POLR1A: variants seen among roughly 807,000 people sequenced by gnomAD.
The protein encoded by POLR1A is RNA polymerase I subunit A.
POLR1A carries 84 observed loss-of-function variants against 205.3 expected under a neutral mutation model. The ratio of observed to expected loss-of-function variants is 0.41; its 90% CI spans 0.34 to 0.49. The LOEUF is 0.49. Ranked by LOEUF, POLR1A falls within the 20% of genes least tolerant of loss-of-function variation. POLR1A has a pLI of 0.22. For synonymous variants in POLR1A, 799 were observed against 863.7 expected, an observed-to-expected ratio of 0.93 and a Z score of 1.31; for missense variants, 1,645 against 2,204.5, an observed-to-expected ratio of 0.75 and a Z score of 5.08.
intron 21 of POLR1A, among the ~76,000 whole-genome samples, chr2:86,045,004 A>G (rs986754255): frequency 6.6e-6 from 1 of 152,260 alleles, no homozygotes. Flanking sequence ...TAAGCTTGCC[A>G]CTGCCCAAGA....
chr2:86,044,379 C>T, intron 21 of POLR1A, 75 bp from the exon 22 acceptor site: 1 of 1,527,842 alleles, frequency 6.5e-7, no homozygotes, highest in Non-Finnish European at 9.0e-7. Flanking sequence ...GGGTTGGGGG[C>T]AGTGGAGGGG....
At chr2:86,077,579 T>G (rs572870958) in intron 11 of POLR1A, among the ~76,000 whole-genome samples, 1 of 152,308 alleles carries the variant, frequency 6.6e-6, no homozygotes, top group Non-Finnish European at 1.5e-5. Context: ...TGGAACACCC[T>G]GCAGTCAGCT....
chr2:86,043,860 G>C (rs1181123399), intron 22 of POLR1A, among the ~76,000 whole-genome samples: 1 of 152,186 alleles, frequency 6.6e-6, no homozygotes, highest in Non-Finnish European at 1.5e-5. Flanking sequence ...TATTGATAGT[G>C]TGCTTTAGCT....
In POLR1A at chr2:86,027,672, A is replaced by G; in HGVS notation, c.5063-149T>C. 7.3e-6 allele frequency: 6 copies of G among 826,250 alleles called. No individual in the cohort carries two copies. In the East Asian group the frequency reaches 1.6e-4, roughly 22 times the overall value. 51.2% of individuals were successfully genotyped at this position (826,250 alleles called of 1,614,324 possible). On this transcript the variant is annotated intron_variant, in intron 33 of 33. Coordinates refer to ENST00000263857, the MANE Select transcript of POLR1A (RefSeq NM_015425.6). ...TGGGATCACGAGGCAGCCCCCCTCT[A>G]GCACTTGAGAGGGGAAGGCCCTCTT...
At chr2:86,104,774 C>T (rs1483849291) in intron 1 of POLR1A, among the ~76,000 whole-genome samples, 6 of 152,130 alleles carry the variant, frequency 3.9e-5, no homozygotes, top group Non-Finnish European at 5.9e-5. Flanking sequence ...TGCATTTAGG[C>T]CATGTTGAGT....
At chr2:86,040,201 C>A in intron 25 of POLR1A, 191 bp downstream of exon 25, 1 of 461,542 alleles carries the variant, frequency 2.2e-6, no homozygotes, top group Non-Finnish European at 3.7e-6. Context: ...CCTACCAGGC[C>A]TGGGCACCAA....
At chr2:86,081,026 G>GTCATGTTCTTCAGCCTCTCACCCA in intron 8 of POLR1A, 48 bp from the exon 9 acceptor site, 1 of 1,545,774 alleles carries the variant, frequency 6.5e-7, no homozygotes. Context: ...TGAGGAAAGG[G>GTCATGTTCTTCAGCCTCTCACCCA]TCATGTTCTT....
At chr2:86,042,421 C>T (rs933485020) in intron 23 of POLR1A, among the ~76,000 whole-genome samples, 5 of 152,210 alleles carry the variant, frequency 3.3e-5, no homozygotes, top group East Asian at 1.9e-4. Context: ...GGCAAAGCCA[C>T]GACTGTCTCA....
chr2:86,055,210 G>A (rs1197452446), intron 14 of POLR1A, among the ~76,000 whole-genome samples: 5 of 151,976 alleles, frequency 3.3e-5, no homozygotes, highest in East Asian at 1.9e-4. Context: ...CACGATAACC[G>A]CTTGAATCCA....
In POLR1A at chr2:86,098,682, G is replaced by T. The variant is rs972296574; in HGVS notation, c.361C>A (p.Leu121Ile). ...ACTTCCAGAACCCTCAGCTGGCAGAGTAAGAGGTGAATCACGGCCCGGGGA... is the reference window on the plus strand; with the variant it reads ...ACTTCCAGAACCCTCAGCTGGCAGATTAAGAGGTGAATCACGGCCCGGGGA... The part of the protein sequence containing the change: ...TCPRAVIHLL[L>I]CQLRVLEVGA... Residue 121 changes from leucine (L) to isoleucine (I), a missense_variant, in exon 3 of 34, where the codon CTC becomes ATC. Physicochemically the swap from Leu to Ile is conservative, Grantham distance 5. Transcript: ENST00000263857. The T allele has an allele frequency of 1.2e-6, 2 of 1,613,726 alleles. No homozygotes were observed. Among genetic ancestry groups the T allele is most frequent in the Non-Finnish European group, 8.5e-7 (1 of 1,179,916 alleles).
At chr2:86,034,456 C>T (rs2164879) in intron 27 of POLR1A, among the ~76,000 whole-genome samples, 25,057 of 152,182 alleles carry the variant, frequency 0.16, 4,725 homozygotes, top group African/African-American at 0.46. Context: ...GTTAGAACCA[C>T]ACCAATTTAA....
At chr2:86,099,535 T>C (rs943950707) in intron 2 of POLR1A, among the ~76,000 whole-genome samples, 1 of 151,966 alleles carries the variant, frequency 6.6e-6, no homozygotes, top group African/African-American at 2.4e-5. Flanking sequence ...ACCTCACTGT[T>C]GGGCTTTCTG....
chr2:86,076,774 C>T (rs1673293062), intron 11 of POLR1A, among the ~76,000 whole-genome samples: 2 of 152,236 alleles, frequency 1.3e-5, no homozygotes, highest in Admixed American at 1.3e-4. Context: ...GCTGGGGACA[C>T]TGTAGGCACT....
rs375013405 is a variant in POLR1A at position 86,054,156 on chromosome 2, G to A, written c.2192C>T (p.Ser731Leu). The A allele has an allele frequency of 3.1e-5, 50 of 1,613,966 alleles. No individual in the cohort carries two copies. The highest frequency in any genetic ancestry group is 1.1e-4 in the African/African-American group (8 of 75,030). The change falls in exon 15 of 34, where the codon TCG (serine) becomes TTG (leucine). Residue 731 changes from serine to leucine, a missense_variant. By Grantham distance (145) the Ser-to-Leu change is moderately radical (BLOSUM62 -2). Coordinates refer to ENST00000263857, the MANE Select transcript of POLR1A (RefSeq NM_015425.6). ...CAGCCATACCTGGGACTCGCACATCGAGTCAGGGTTAAAGCCAGGAACGGA... is the reference window on the plus strand; with the variant it reads ...CAGCCATACCTGGGACTCGCACATCAAGTCAGGGTTAAAGCCAGGAACGGA... ...PRSVPGFNPD[S>L]MCESQVIIRE...
At chr2:86,097,244 C>CAAAAAAAAAAAAAAAAAAAAAAAAAAAA (rs1213876753) in intron 3 of POLR1A, among the ~76,000 whole-genome samples, 15 of 40,668 alleles carry the variant, frequency 3.7e-4, no homozygotes, top group African/African-American at 8.9e-4. Context: ...AAAAAAAAAG[C>CAAAAAAAAAAAAAAAAAAAAAAAAAAAA]AAATGCTGGT....
In POLR1A at chr2:86,027,876, C is replaced by T. The variant is rs770112715; in HGVS notation, c.5062+9G>A. 3.8e-5 allele frequency: 61 copies of T among 1,613,884 alleles called. No homozygotes were observed. The highest frequency in any genetic ancestry group is 8.0e-5 in the African/African-American group (6 of 74,924). ...GAGGGGAGGCCAGGGCTCCTGCCCA[C>T]GCACTAACCCAGCATGGTGGCTTGC... On this transcript the variant is annotated intron_variant, in intron 33 of 33. Coordinates refer to ENST00000263857, the MANE Select transcript of POLR1A (RefSeq NM_015425.6).
rs1673073889 is a variant in POLR1A at position 86,065,689 on chromosome 2, T to C, written c.1867-224A>G. On this transcript the variant is annotated intron_variant, in intron 13 of 33. Coordinates refer to ENST00000263857, the MANE Select transcript of POLR1A (RefSeq NM_015425.6). Reference sequence around the variant, plus strand: ...TTCTACGTTTGCCATTTGCCCACTATCCTATATCAAGACTGCTTCAAACTC... The same window carrying C: ...TTCTACGTTTGCCATTTGCCCACTACCCTATATCAAGACTGCTTCAAACTC... The C allele has an allele frequency of 1.1e-5, 6 of 542,770 alleles. No individual in the cohort carries two copies. The East Asian group carries it at 1.6e-4, about 14-fold the overall frequency. 33.6% of individuals were successfully genotyped at this position (542,770 alleles called of 1,614,324 possible).
At position 86,028,365 on chromosome 2, in the gene POLR1A, G is replaced by A. The variant is rs968850741; in HGVS notation, c.4897+229C>T. 3.3e-5 allele frequency among the ~76,000 whole-genome samples: 5 copies of A among 152,186 alleles called. No individual in the cohort carries two copies. Among genetic ancestry groups the A allele is most frequent in the African/African-American group, 4.8e-5 (2 of 41,438 alleles). On this transcript the variant is annotated intron_variant, in intron 32 of 33. Transcript: ENST00000263857. This position sits in a 1 kb window ranked among gnomAD's most constrained non-coding sequence, Gnocchi z 4.5. ...GTTATCAATCAGGAGCTTTCTCTAAGGCACCAGCAGATGAGACACCACTGA... is the reference window on the plus strand; with the variant it reads ...GTTATCAATCAGGAGCTTTCTCTAAAGCACCAGCAGATGAGACACCACTGA...
chr2:86,041,032 C>T (rs1182085870), intron 24 of POLR1A, among the ~76,000 whole-genome samples: 2 of 152,252 alleles, frequency 1.3e-5, no homozygotes, highest in South Asian at 2.1e-4. Context: ...TTAGTTAGTG[C>T]AAATGGCTGC....
Sources: gnomAD v4.1 joint callset for allele counts (sites outside exome capture counted in the v4.1 genomes callset) on GRCh38, gnomAD v4.1.1 for gene constraint, Gnocchi (gnomAD v3.1) non-coding constraint, MANE v1.5 for transcripts, NCBI Gene and HGNC (gene_info 2026-07-23, HGNC 2026-07-21) for gene names.